Variants in MSI2 observed in about 807,000 individuals in gnomAD.
The protein encoded by MSI2 is musashi RNA binding protein 2, also known as RNA-binding protein Musashi homolog 2.
A neutral mutation model predicts 45.6 loss-of-function variants in MSI2; 17 were observed. That is an observed-to-expected ratio of 0.37 (90% CI 0.26 to 0.56). The LOEUF is 0.56. MSI2 is among the 20% of genes least tolerant of loss of function. The pLI is 0.77. For synonymous variants in MSI2, 156 were observed against 158.2 expected, an observed-to-expected ratio of 0.99 and a Z score of 0.11; for missense variants, 293 against 444.2, an observed-to-expected ratio of 0.66 and a Z score of 3.06.
At chr17:57,425,289 ATTTT>A (rs906909570) in intron 6 of MSI2, among the ~76,000 whole-genome samples, 2 of 99,200 alleles carry the variant, frequency 2.0e-5, no homozygotes, top group African/African-American at 8.8e-5. Flanking sequence ...AAGGAAGTTT[ATTTT>A]TAACAGCATT....
downstream of MSI2, among the ~76,000 whole-genome samples, chr17:57,689,501 C>A (rs1913942546): frequency 6.6e-6 from 1 of 152,052 alleles, no homozygotes; most frequent in Admixed American, 6.6e-5. Flanking sequence ...TTCCTACCTT[C>A]CAAAGACAAT....
intron 7 of MSI2, among the ~76,000 whole-genome samples, chr17:57,570,944 C>T (rs1318159460): frequency 6.6e-6 from 1 of 152,186 alleles, no homozygotes; most frequent in African/African-American, 2.4e-5. Flanking sequence ...AGAAGGCAGT[C>T]AGGGCAGCAG....
At chr17:57,603,220 C>T (rs1034395068) in intron 8 of MSI2, among the ~76,000 whole-genome samples, 1 of 152,362 alleles carries the variant, frequency 6.6e-6, no homozygotes, top group Admixed American at 6.5e-5. Context: ...CATGCCCTAC[C>T]CCTCTGGGTG....
intron 5 of MSI2, among the ~76,000 whole-genome samples, chr17:57,391,971 C>A (rs1034067024): frequency 5.3e-5 from 8 of 152,344 alleles, no homozygotes; most frequent in African/African-American, 1.9e-4. Context: ...CATAGTGGGT[C>A]TGAATCACCG....
At chr17:57,526,356 G>GGGGTGTGT (rs1342100756) in intron 6 of MSI2, among the ~76,000 whole-genome samples, 35 of 122,594 alleles carry the variant, frequency 2.9e-4, no homozygotes, top group African/African-American at 8.9e-4. Context: ...GATATACCTG[G>GGGGTGTGT]GTGTGTGTGT....
intron 7 of MSI2, among the ~76,000 whole-genome samples, chr17:57,554,701 G>T (rs536966367): frequency 7.2e-5 from 11 of 152,362 alleles, no homozygotes; most frequent in Admixed American, 7.2e-4. Context: ...CTGACCCTGT[G>T]TGGTGTAGCT....
intron 6 of MSI2, among the ~76,000 whole-genome samples, chr17:57,414,890 G>A (rs962969601): frequency 2.0e-5 from 3 of 152,128 alleles, no homozygotes; most frequent in African/African-American, 4.8e-5. Flanking sequence ...TTTCAGAGTC[G>A]GTAGATTCTC....
chr17:57,318,813 G>A (rs1031811886), intron 5 of MSI2, among the ~76,000 whole-genome samples: 1 of 152,112 alleles, frequency 6.6e-6, no homozygotes, highest in Admixed American at 6.5e-5. Flanking sequence ...AAGATGCCTC[G>A]CTGCAGGAAC....
At chr17:57,292,152 C>G (rs1466223915) in intron 5 of MSI2, among the ~76,000 whole-genome samples, 1 of 151,202 alleles carries the variant, frequency 6.6e-6, no homozygotes, top group Non-Finnish European at 1.5e-5. Context: ...GACCCTCGGA[C>G]AGCTGCCTGG....
intron 6 of MSI2, among the ~76,000 whole-genome samples, chr17:57,436,937 G>A (rs994237139): frequency 6.6e-6 from 1 of 152,156 alleles, no homozygotes; most frequent in Non-Finnish European, 1.5e-5. Flanking sequence ...ACCTCTCCCA[G>A]CTGAGAAGTA....
At chr17:57,622,556 C>T (rs563590837) in intron 9 of MSI2, among the ~76,000 whole-genome samples, 1 of 152,202 alleles carries the variant, frequency 6.6e-6, no homozygotes, top group South Asian at 2.1e-4. Context: ...AGCTAAAGCA[C>T]GTTAGCCAAA....
intron 5 of MSI2, chr17:57,286,088 T>G (rs754695247): frequency 2.0e-6 from 2 of 1,006,732 alleles, no homozygotes; most frequent in Non-Finnish European, 2.7e-6. Context: ...TCTTTCTTCT[T>G]TATTTTTTCT....
chr17:57,559,162 T>A (rs1175547173), intron 7 of MSI2, among the ~76,000 whole-genome samples: 1 of 152,158 alleles, frequency 6.6e-6, no homozygotes, highest in African/African-American at 2.4e-5. Flanking sequence ...ACACCCAGAA[T>A]AGACACAGAC....
At chr17:57,349,802 G>A (rs1302918030) in intron 5 of MSI2, among the ~76,000 whole-genome samples, 1 of 152,236 alleles carries the variant, frequency 6.6e-6, no homozygotes, top group Non-Finnish European at 1.5e-5. Flanking sequence ...TTAGCAAGCA[G>A]ATACACTTCA....
chr17:57,328,938 A>G (rs1914042853), intron 5 of MSI2, among the ~76,000 whole-genome samples: 1 of 152,122 alleles, frequency 6.6e-6, no homozygotes, highest in Non-Finnish European at 1.5e-5. Context: ...CCCGATAGGA[A>G]TATAAATTCA....
intron 6 of MSI2, among the ~76,000 whole-genome samples, chr17:57,421,201 AATG>A (rs889587207): frequency 2.5e-4 from 38 of 152,058 alleles, no homozygotes; most frequent in Admixed American, 2.3e-3. Flanking sequence ...TCCACAGGTT[AATG>A]TGTTTTGGCT....
Position 57,467,204 on chromosome 17 carries a change from G to A in MSI2, c.406-62472G>A, listed in dbSNP as rs562869724. Among the ~76,000 whole-genome samples, 166 of 152,338 alleles carry A rather than the reference G, an allele frequency of 1.1e-3. 1 individual carries two copies. The highest frequency in any genetic ancestry group is 3.8e-3 in the African/African-American group (158 of 41,578). Reference sequence around the variant, plus strand: ...CCTGAAGACAGGCATTGCTCCTCCTGGGAGAACTGTCAGGTGGGTATGCAT... The same window carrying A: ...CCTGAAGACAGGCATTGCTCCTCCTAGGAGAACTGTCAGGTGGGTATGCAT... On this transcript the variant is annotated intron_variant, in intron 6 of 13. Coordinates refer to ENST00000284073, the MANE Select transcript of MSI2 (RefSeq NM_138962.4).
intron 3 of MSI2, 119 bp downstream of exon 3, chr17:57,257,666 C>G (rs1253785386): frequency 4.3e-6 from 3 of 691,072 alleles, no homozygotes; most frequent in Non-Finnish European, 7.4e-6. Flanking sequence ...CGTGGCTGAT[C>G]TCGAACGGCG....
rs191711253 is a variant in MSI2, at chr17:57,567,968, A to G, written c.455-28900A>G. ...TAGTATTACTGTCTCCATTTGATAGATGGAGATATTGAGGCACAGCGGGAT... is the reference window on the plus strand; with the variant it reads ...TAGTATTACTGTCTCCATTTGATAGGTGGAGATATTGAGGCACAGCGGGAT... On this transcript the variant is annotated intron_variant, in intron 7 of 13. Transcript: ENST00000284073. 2.3e-4 allele frequency among the ~76,000 whole-genome samples: 35 copies of G among 152,304 alleles called. 1 individual carries two copies. Among genetic ancestry groups the G allele is most frequent in the Admixed American group, 2.2e-3 (33 of 15,298 alleles).
Sources: allele counts gnomAD v4.1 joint callset (sites outside exome capture counted in the v4.1 genomes callset), GRCh38; gene constraint gnomAD v4.1.1; transcripts MANE v1.5; gene names NCBI Gene and HGNC (gene_info 2026-07-23, HGNC 2026-07-21).